Variants in USP38 observed in about 807,000 individuals in gnomAD.
The protein encoded by USP38 is ubiquitin carboxyl-terminal hydrolase 38.
USP38 carries 49 observed loss-of-function variants against 94.3 expected under a neutral mutation model. The observed-to-expected ratio is 0.52, with a 90% CI of 0.41 to 0.66. The LOEUF is 0.66. Among genes scored for constraint, USP38 ranks in the 30% least tolerant of loss-of-function variants. USP38 has a pLI of 0.00. For synonymous variants in USP38, 468 were observed against 463.6 expected, an observed-to-expected ratio of 1.01 and a Z score of -0.12; for missense variants, 1,128 against 1,229.4, an observed-to-expected ratio of 0.92 and a Z score of 1.23.
chr4:143,202,598 G>A (rs915715871), intron 4 of USP38, among the ~76,000 whole-genome samples: 1 of 151,982 alleles, frequency 6.6e-6, no homozygotes, highest in African/African-American at 2.4e-5. Flanking sequence ...AATAGAAGTT[G>A]TTTCATTTTA....
At position 143,213,899 on chromosome 4, in the gene USP38, A is replaced by T. The variant is rs758491785; in HGVS notation, c.1923A>T (p.Gln641His). 4 of 1,613,900 alleles carry T rather than the reference A, an allele frequency of 2.5e-6. No homozygotes were observed. The highest frequency in any genetic ancestry group is 2.5e-6 in the Non-Finnish European group (3 of 1,179,852). ...VQDPASSPSI[Q>H]DGGLMQASVP... ...ATCCAGCATCATCACCCAGTATACAAGATGGTGGTCTAATGCAAGCCTCTG... is the reference window on the plus strand; with the variant it reads ...ATCCAGCATCATCACCCAGTATACATGATGGTGGTCTAATGCAAGCCTCTG... The change falls in exon 9 of 10, where the codon CAA (glutamine) becomes CAT (histidine). Residue 641 changes from glutamine to histidine, a missense_variant. By Grantham distance (24) the Gln-to-His change is conservative. Coordinates refer to ENST00000307017, the MANE Select transcript of USP38 (RefSeq NM_032557.6).
chr4:143,202,463 G>C (rs1489669550), intron 4 of USP38, among the ~76,000 whole-genome samples: 1 of 152,028 alleles, frequency 6.6e-6, no homozygotes, highest in Non-Finnish European at 1.5e-5. Flanking sequence ...ACCCCAAAAT[G>C]TTCTACAAAT....
At chr4:143,194,136 A>T (rs1389895901) in intron 2 of USP38, among the ~76,000 whole-genome samples, 2 of 152,236 alleles carry the variant, frequency 1.3e-5, no homozygotes, top group Admixed American at 6.5e-5. Flanking sequence ...TTGTTGTTTT[A>T]GTAATGTATT....
rs920306131 is a variant in USP38 at position 143,195,642 on chromosome 4, A to G, written c.819-74A>G. 1.7e-5 allele frequency: 24 copies of G among 1,437,642 alleles called. No homozygotes were observed. In the South Asian group the frequency reaches 1.8e-4, roughly 11 times the overall value. 89.1% of individuals were successfully genotyped at this position (1,437,642 alleles called of 1,614,324 possible). A position where few individuals can be genotyped will look rare whatever the true frequency, so the allele number is the denominator to read the frequency against. On this transcript the variant is annotated intron_variant, in intron 2 of 9. Coordinates refer to ENST00000307017, the MANE Select transcript of USP38 (RefSeq NM_032557.6). Reference sequence around the variant, plus strand: ...TTATTCACAAAGTGAGTGATTATCTACTGTAACTCTTGTTATCACTAACTA... The same window carrying G: ...TTATTCACAAAGTGAGTGATTATCTGCTGTAACTCTTGTTATCACTAACTA...
intron 6 of USP38, among the ~76,000 whole-genome samples, chr4:143,208,261 A>C (rs910436520): frequency 1.1e-4 from 16 of 152,096 alleles, no homozygotes; most frequent in African/African-American, 3.1e-4. Context: ...AATAAGTTAA[A>C]TTAGTATTTA....
At chr4:143,203,298 A>T in intron 4 of USP38, 110 bp from the exon 5 acceptor site, 1 of 1,098,250 alleles carries the variant, frequency 9.1e-7, no homozygotes, top group African/African-American at 1.6e-5. Flanking sequence ...GTGACTGCAC[A>T]TACAGAAAAG....
Position 143,220,426 on chromosome 4 carries a change from AT to A in USP38, c.3102del (p.Phe1034LeufsTer26), listed in dbSNP as rs1483010820. 3.1e-6 allele frequency: 5 copies of A among 1,612,878 alleles called. No individual in the cohort carries two copies. The African/African-American group carries it at 6.7e-5, about 22-fold the overall frequency. ...CAACTGGTGGAGGGGGTGGAGGAGG[AT>A]TTAATACAGTTGGCAGACTCGTATT... ...GPTGGGGGGG[F>X]NTVGRLVF On this transcript the variant is annotated frameshift_variant, in exon 10 of 10. Coordinates refer to ENST00000307017, the MANE Select transcript of USP38 (RefSeq NM_032557.6). LOFTEE classifies it high-confidence loss of function.
chr4:143,211,693 T>A (rs1013085573), intron 7 of USP38, among the ~76,000 whole-genome samples: 13 of 152,206 alleles, frequency 8.5e-5, no homozygotes, highest in African/African-American at 3.1e-4. Flanking sequence ...CAGTTCTTTT[T>A]TGTCATGGCA....
chr4:143,207,590 TC>T (rs1561244698), intron 6 of USP38, among the ~76,000 whole-genome samples: 1 of 152,090 alleles, frequency 6.6e-6, no homozygotes, highest in Non-Finnish European at 1.5e-5. Context: ...ATTGTTGGGC[TC>T]CAGATTATAA....
intron 9 of USP38, among the ~76,000 whole-genome samples, chr4:143,217,992 A>T (rs1732227548): frequency 1.3e-5 from 2 of 152,114 alleles, no homozygotes. Flanking sequence ...ATAAAAACTA[A>T]GCCTTTGGTT....
At chr4:143,209,985 T>A (rs535569077) in intron 7 of USP38, among the ~76,000 whole-genome samples, 106 of 152,354 alleles carry the variant, frequency 7.0e-4, no homozygotes, top group African/African-American at 2.5e-3. Context: ...GAATTATTTT[T>A]AAGTGCATCT....
Position 143,186,092 on chromosome 4 carries a change from G to A in USP38, c.642G>A (p.Leu214=). ...GGAAGGCCGAGCCTGCCACACTACT[G>A]CCTTCCCTGCAAGAAGTTTTTGCAA... ...NIWKAEPATL[L]PSLQEVFASI... is the part of the protein sequence containing the mutation. The change falls in exon 1 of 10, where the codon CTG becomes CTA. Residue 214 remains leucine, a synonymous_variant. Transcript: ENST00000307017. 6.2e-7 allele frequency: 1 copy of A among 1,614,160 alleles called. No homozygotes were observed. Among genetic ancestry groups the A allele is most frequent in the East Asian group, 2.2e-5 (1 of 44,880 alleles).
Position 143,185,269 on chromosome 4 carries a change from C to G in USP38, c.-182C>G, listed in dbSNP as rs1731177039. ...GCTCTCCAGGCTCGCTAGCTCCCGC[C>G]CCGGCTTGGATGGGTCTCCCTGCGC... On this transcript the variant is annotated 5_prime_UTR_variant, in exon 1 of 10. Transcript: ENST00000307017. The G allele has an allele frequency of 1.5e-6, 1 of 683,828 alleles. No individual in the cohort carries two copies. Among genetic ancestry groups the G allele is most frequent in the South Asian group, 2.0e-5 (1 of 49,466 alleles). The allele number at this position is 683,828 out of a possible 1,614,324, so 42.4% of individuals were successfully genotyped here. A position where few individuals can be genotyped will look rare whatever the true frequency, so the allele number is the denominator to read the frequency against.
intron 8 of USP38, 70 bp downstream of exon 8, chr4:143,212,494 C>T: frequency 3.3e-6 from 3 of 922,358 alleles, no homozygotes; most frequent in Non-Finnish European, 4.7e-6. Flanking sequence ...CTTAATATTG[C>T]TTTTACCTTT....
intron 7 of USP38, 52 bp downstream of exon 7, chr4:143,209,709 C>A: frequency 8.6e-7 from 1 of 1,167,772 alleles, no homozygotes; most frequent in Non-Finnish European, 1.2e-6. Context: ...TGGTAATATT[C>A]ATTAAACTTT....
chr4:143,223,839 C>T lies in USP38; in HGVS notation c.*3383C>T, dbSNP rs192780533. The stretch of plus-strand genomic sequence containing the variant: ...AAATGTGATAGTTTATATATCCTTT[C>T]ATCATACGTTTTTTCTAATGAGTTT... On this transcript the variant is annotated 3_prime_UTR_variant, in exon 10 of 10. Coordinates refer to ENST00000307017, the MANE Select transcript of USP38 (RefSeq NM_032557.6). 2.2e-3 allele frequency: 332 copies of T among 152,104 alleles called. No homozygotes were observed. The highest frequency in any genetic ancestry group is 7.9e-3 in the African/African-American group (327 of 41,532). 9.4% of individuals were successfully genotyped at this position (152,104 alleles called of 1,614,324 possible).
chr4:143,218,319 T>C (rs1312801517), intron 9 of USP38, among the ~76,000 whole-genome samples: 1 of 152,132 alleles, frequency 6.6e-6, no homozygotes, highest in Admixed American at 6.6e-5. Flanking sequence ...TGTGACTAGA[T>C]CTATAGTCTA....
intron 2 of USP38, among the ~76,000 whole-genome samples, chr4:143,190,992 T>C (rs1461231884): frequency 6.6e-6 from 1 of 152,134 alleles, no homozygotes; most frequent in African/African-American, 2.4e-5. Flanking sequence ...TTTACTTATT[T>C]TTTTCTACGG....
In USP38 at chr4:143,222,388, A is replaced by G. The variant is rs1330606296; in HGVS notation, c.*1932A>G. 6.6e-6 allele frequency: 1 copy of G among 152,098 alleles called. No individual in the cohort carries two copies. The highest frequency in any genetic ancestry group is 6.6e-5 in the Admixed American group (1 of 15,248). The allele number at this position is 152,098 out of a possible 1,614,324, so 9.4% of individuals were successfully genotyped here. On this transcript the variant is annotated 3_prime_UTR_variant, in exon 10 of 10. Transcript: ENST00000307017. ...GTCCCTTATTTATATAAAATAGCAC[A>G]GTATTTGCATATAACCTGTGCACAT...
Sources: gnomAD v4.1 joint callset for allele counts (sites outside exome capture counted in the v4.1 genomes callset) on GRCh38, gnomAD v4.1.1 for gene constraint, MANE v1.5 for transcripts, NCBI Gene and HGNC (gene_info 2026-07-23, HGNC 2026-07-21) for gene names.